Variants in MARK2 observed in about 807,000 individuals in gnomAD.
MARK2 encodes microtubule affinity regulating kinase 2.
Under a neutral mutation model 89.8 loss-of-function variants are expected in MARK2, and 16 were observed. The observed-to-expected ratio is 0.18, with a 90% CI of 0.12 to 0.27. The LOEUF is 0.27. Among genes scored for constraint, MARK2 ranks in the 10% least tolerant of loss-of-function variants. MARK2 has a pLI of 1.00. For synonymous variants in MARK2, 382 were observed against 399.5 expected (o/e 0.96, Z 0.52); for missense variants, 621 against 1,049.9 (o/e 0.59, Z 5.65).
At chr11:63,870,504 G>A (rs985656776) in intron 1 of MARK2, among the ~76,000 whole-genome samples, 3 of 152,184 alleles carry the variant, frequency 2.0e-5, no homozygotes, top group Admixed American at 6.5e-5. Flanking sequence ...CTCTGACCCC[G>A]AGACTTCCCG....
chr11:63,841,631 G>T (rs2016022191), intron 1 of MARK2, among the ~76,000 whole-genome samples: 1 of 152,178 alleles, frequency 6.6e-6, no homozygotes, highest in Non-Finnish European at 1.5e-5. Context: ...AACTTTCCCA[G>T]ACTGTTGATC....
At chr11:63,894,554 G>A (rs1352969910) in intron 1 of MARK2, among the ~76,000 whole-genome samples, 1 of 152,142 alleles carries the variant, frequency 6.6e-6, no homozygotes, top group African/African-American at 2.4e-5. Context: ...AAATTAGCCA[G>A]GCGTGGTGGC....
At chr11:63,901,422 G>GGGGTGTGTGTGTGTGTGT (rs1554985348) in intron 11 of MARK2, among the ~76,000 whole-genome samples, 2 of 139,696 alleles carry the variant, frequency 1.4e-5, no homozygotes, top group East Asian at 2.2e-4. Context: ...TACATTTCTG[G>GGGGTGTGTGTGTGTGTGT]GTGTGTGTGT....
intron 4 of MARK2, 73 bp from the exon 5 acceptor site, chr11:63,898,535 T>C: frequency 8.3e-7 from 1 of 1,203,942 alleles, no homozygotes; most frequent in Non-Finnish European, 1.2e-6. Context: ...CCTAGGATGC[T>C]CCTGGACATG....
chr11:63,880,104 C>G (rs1939000571), intron 1 of MARK2: 1 of 150,536 alleles, frequency 6.6e-6, no homozygotes, highest in Non-Finnish European at 1.5e-5. Context: ...GGTAGAAAGA[C>G]TGTTGCATAA....
chr11:63,848,211 A>G (rs1353349207), intron 1 of MARK2, among the ~76,000 whole-genome samples: 1 of 152,158 alleles, frequency 6.6e-6, no homozygotes. Context: ...GTAATTAGTG[A>G]GTGTAACTAC....
intron 1 of MARK2, among the ~76,000 whole-genome samples, chr11:63,873,654 A>G (rs1035666391): frequency 1.3e-5 from 2 of 151,894 alleles, no homozygotes; most frequent in African/African-American, 2.4e-5. Context: ...ATTTTATTTT[A>G]TTTTTTTCTG....
intron 1 of MARK2, among the ~76,000 whole-genome samples, chr11:63,871,843 G>C (rs1242726372): frequency 3.0e-4 from 39 of 130,454 alleles, no homozygotes; most frequent in East Asian, 7.4e-4. Flanking sequence ...GCAGGTGTGG[G>C]TGAAGAGTAT....
In MARK2 at chr11:63,900,600, A is replaced by C; in HGVS notation, c.810A>C (p.Pro270=). Residue 270 remains proline (P), a synonymous_variant, in exon 9 of 19, where the codon CCA becomes CCC. Transcript: ENST00000402010. This position sits in a 1 kb window ranked among gnomAD's most constrained non-coding sequence, Gnocchi z 4.7. ...TACTGAGGGGAAAATACCGTATTCC[A>C]TTCTACATGTCCACGGACTGTGAAA... ...ERVLRGKYRI[P]FYMSTDCENL... is the part of the protein sequence containing the mutation. 1 of 1,614,152 alleles carries C rather than the reference A, an allele frequency of 6.2e-7. No individual in the cohort carries two copies. Among genetic ancestry groups the C allele is most frequent in the South Asian group, 1.1e-5 (1 of 91,086 alleles).
At position 63,904,242 on chromosome 11, in the gene MARK2, G is replaced by C; in HGVS notation, c.1676+95G>C. 1 of 1,157,406 alleles carries C rather than the reference G, an allele frequency of 8.6e-7. No individual in the cohort carries two copies. Among genetic ancestry groups the C allele is most frequent in the Non-Finnish European group, 1.2e-6 (1 of 840,504 alleles). 71.7% of individuals were successfully genotyped at this position (1,157,406 alleles called of 1,614,324 possible). A position where few individuals can be genotyped will look rare whatever the true frequency, so the allele number is the denominator to read the frequency against. On this transcript the variant is annotated intron_variant, in intron 15 of 18. Coordinates refer to ENST00000402010, the MANE Select transcript of MARK2 (RefSeq NM_001039469.3). This position sits in a 1 kb window ranked among gnomAD's most constrained non-coding sequence, Gnocchi z 6.3. ...CTTCTTCCCACTTGGGGGTCCTGCT[G>C]TGTTCTTGTCATCTTAGCCACAAGA...
In MARK2 at chr11:63,903,937, G is replaced by C. The variant is rs768736848; in HGVS notation, c.1515-49G>C. On this transcript the variant is annotated intron_variant, in intron 14 of 18. Transcript: ENST00000402010. This position sits in a 1 kb window ranked among gnomAD's most constrained non-coding sequence, Gnocchi z 5.1. Reference sequence around the variant, plus strand: ...CCTTGCTTCCTAATCCAGGCCTCCCGCCCTCACTCACCCCTAACACGGGCC... The same window carrying C: ...CCTTGCTTCCTAATCCAGGCCTCCCCCCCTCACTCACCCCTAACACGGGCC... 3.3e-6 allele frequency: 5 copies of C among 1,509,338 alleles called. No homozygotes were observed. The highest frequency in any genetic ancestry group is 4.5e-6 in the Non-Finnish European group (5 of 1,119,486). The allele number at this position is 1,509,338 out of a possible 1,614,324, so 93.5% of individuals were successfully genotyped here.
At chr11:63,861,153 G>A (rs1454254360) in intron 1 of MARK2, among the ~76,000 whole-genome samples, 7 of 151,986 alleles carry the variant, frequency 4.6e-5, no homozygotes, top group African/African-American at 1.7e-4. Flanking sequence ...CTTTAATTTC[G>A]GGTTGGGTGC....
At position 63,904,718 on chromosome 11, in the gene MARK2, C is replaced by A; in HGVS notation, c.1677-68C>A. On this transcript the variant is annotated intron_variant, in intron 15 of 18. Coordinates refer to ENST00000402010, the MANE Select transcript of MARK2 (RefSeq NM_001039469.3). The surrounding 1 kb of genome is among the most constrained non-coding windows in gnomAD (Gnocchi z 6.3). Reference sequence around the variant, plus strand: ...CCTCCCTGTCCCCACCACAGGGTGTCCAGGTGCCCAGTGATGGCTGTCCTG... The same window carrying A: ...CCTCCCTGTCCCCACCACAGGGTGTACAGGTGCCCAGTGATGGCTGTCCTG... 1.4e-6 allele frequency: 2 copies of A among 1,468,526 alleles called. No individual in the cohort carries two copies. Among genetic ancestry groups the A allele is most frequent in the Non-Finnish European group, 1.9e-6 (2 of 1,057,674 alleles). The allele number at this position is 1,468,526 out of a possible 1,614,324, so 91.0% of individuals were successfully genotyped here.
chr11:63,905,100 C>T (rs1941217529), intron 16 of MARK2, 57 bp downstream of exon 16: 9 of 446,118 alleles, frequency 2.0e-5, no homozygotes, highest in East Asian at 1.2e-4. Flanking sequence ...CTGCTTTACT[C>T]GGGGTGGGTT....
chr11:63,895,013 C>T, intron 1 of MARK2, 146 bp from the exon 2 acceptor site: 4 of 630,174 alleles, frequency 6.3e-6, no homozygotes, highest in Non-Finnish European at 1.1e-5. Flanking sequence ...GCCCCCTCTC[C>T]TTTCTTCTGC....
chr11:63,890,391 G>C, intron 1 of MARK2: 2 of 594,352 alleles, frequency 3.4e-6, no homozygotes, highest in Non-Finnish European at 5.5e-6. Flanking sequence ...GGATCAAAGA[G>C]CAAGCACCAG....
chr11:63,890,207 TCTGCTTC>T, intron 1 of MARK2: 1 of 1,344,110 alleles, frequency 7.4e-7, no homozygotes, highest in South Asian at 1.2e-5. Context: ...TTTTCTTTTC[TCTGCTTC>T]CTTCCAGTGG....
At chr11:63,888,627 A>G (rs1939560643) in intron 1 of MARK2, 1 of 1,142,182 alleles carries the variant, frequency 8.8e-7, no homozygotes, top group Non-Finnish European at 1.1e-6. Flanking sequence ...GCGCTTCCTG[A>G]CCACCAGGCT....
intron 1 of MARK2, among the ~76,000 whole-genome samples, chr11:63,893,925 A>G (rs1449860607): frequency 1.3e-5 from 2 of 152,258 alleles, no homozygotes; most frequent in African/African-American, 4.8e-5. Flanking sequence ...GATTATGTAT[A>G]TGCAAATATT....
Sources: gnomAD v4.1 joint callset for allele counts (sites outside exome capture counted in the v4.1 genomes callset) on GRCh38, gnomAD v4.1.1 for gene constraint, Gnocchi (gnomAD v3.1) non-coding constraint, MANE v1.5 for transcripts, NCBI Gene and HGNC (gene_info 2026-07-23, HGNC 2026-07-21) for gene names.